The following SPATA31A6 variants were observed in gnomAD, a reference collection of about 807,000 sequenced individuals.
SPATA31A6 encodes SPATA31 subfamily A member 6, also known as spermatogenesis-associated protein 31A6.
In SPATA31A6, 9 loss-of-function variants were observed where a neutral mutation model predicts 11.9. That is an observed-to-expected ratio of 0.76 (90% CI 0.46 to 1.32). The LOEUF (loss-of-function observed/expected upper bound fraction) is 1.32. Among genes scored for constraint, SPATA31A6 ranks in the 40% most tolerant of loss-of-function variants. The probability of loss-of-function intolerance (pLI) is 0.00; values close to 1 mark genes in which losing one functional copy is unlikely to be tolerated. For missense variants in SPATA31A6, 855 were observed against 1,467.3 expected, an observed-to-expected ratio of 0.58 and a Z score of 6.82; for synonymous variants, 314 against 572.1, an observed-to-expected ratio of 0.55 and a Z score of 6.44.
chr9:42,189,824 T>C lies in SPATA31A6; in HGVS notation c.*90T>C. The C allele has an allele frequency of 8.8e-7, 1 of 1,140,002 alleles. No individual in the cohort carries two copies. Among genetic ancestry groups the C allele is most frequent in the Admixed American group, 2.9e-5 (1 of 34,752 alleles). The allele number at this position is 1,140,002 out of a possible 1,614,324, so 70.6% of individuals were successfully genotyped here. On this transcript the variant is annotated 3_prime_UTR_variant, in exon 4 of 4. Transcript: ENST00000332857. ...CACTCTATGTAGAGAAAAAATATTT[T>C]CTCTCATGTTAGTAAATGCAGAACA...
In SPATA31A6 at chr9:42,185,093, C is replaced by T. The variant is rs771114084; in HGVS notation, c.214C>T (p.Pro72Ser). ...RKCPVGRRRR[P>S]RGRMKNHSLR... ...GTGTCCAGTAGGGCGGAGGCGGAGG[C>T]CCAGAGGCAGGATGAAAAACCACAG... Residue 72 changes from proline to serine, a missense_variant, in exon 2 of 4, where the codon CCC (proline) becomes TCC (serine). Pro to Ser is a moderately conservative substitution (Grantham distance 74, BLOSUM62 -1). Coordinates refer to ENST00000332857, the MANE Select transcript of SPATA31A6 (RefSeq NM_001145196.1). The T allele has an allele frequency of 1.1e-5, 17 of 1,541,798 alleles. 3 individuals carry two copies. The East Asian group carries it at 4.1e-4, about 37-fold the overall frequency.
chr9:42,185,557 G>A (rs1417142218), intron 2 of SPATA31A6, 138 bp from the exon 3 acceptor site: 5 of 1,116,028 alleles, frequency 4.5e-6, no homozygotes, highest in African/African-American at 3.6e-5. Context: ...TAACGTCGGG[G>A]TCATGTGGCT....
In SPATA31A6 at chr9:42,183,807, C is replaced by A. The variant is rs1829390780; in HGVS notation, c.120C>A (p.Phe40Leu). 2 of 1,534,618 alleles carry A rather than the reference C, an allele frequency of 1.3e-6. No homozygotes were observed. Among genetic ancestry groups the A allele is most frequent in the Non-Finnish European group, 1.8e-6 (2 of 1,138,102 alleles). ...TGGTGTTTGCCCTGGGGTTCTTCTT[C>A]CTATTACTCCCCTACTTATCTTACT... is the stretch of plus-strand genomic sequence containing the variant. Reference protein sequence around the residue: ...LTLVFALGFFFLLLPYLSYFH... With the variant: ...LTLVFALGFFLLLLPYLSYFH... Residue 40 changes from phenylalanine to leucine, a missense_variant, in exon 1 of 4, where the codon TTC becomes TTA. Phe to Leu is a conservative substitution (Grantham distance 22, BLOSUM62 0). Transcript: ENST00000332857.
Position 42,185,566 on chromosome 9 carries a change from C to T in SPATA31A6, c.248-129C>T, listed in dbSNP as rs1305700325. The T allele has an allele frequency of 2.4e-5, 27 of 1,130,784 alleles. 5 individuals carry two copies. The South Asian group carries it at 2.6e-4, about 11-fold the overall frequency. The allele number at this position is 1,130,784 out of a possible 1,614,324, so 70.0% of individuals were successfully genotyped here. The stretch of plus-strand genomic sequence containing the variant: ...TGCTATTAACGTCGGGGTCATGTGG[C>T]TTTGGACACAGATGGGTGGGGTCCA... On this transcript the variant is annotated intron_variant, in intron 2 of 3. Coordinates refer to ENST00000332857, the MANE Select transcript of SPATA31A6 (RefSeq NM_001145196.1).
rs771332411 is a variant in SPATA31A6, at chr9:42,187,653, G to T, written c.1951G>T (p.Glu651Ter). The change falls in exon 4 of 4, where the codon GAG becomes TAG. Residue 651 changes from glutamate to a stop codon, truncating the protein, a stop_gained. Transcript: ENST00000332857. LOFTEE classifies it low-confidence loss of function (END_TRUNC). ...SSTSTGESSKEAQKVKFQLER... is the reference protein window; with the variant it reads ...SSTSTGESSK ...CACGTCCACAGGTGAAAGCAGCAAG[G>T]AGGCACAGAAGGTGAAGTTCCAGCT... 3 of 1,510,950 alleles carry T rather than the reference G, an allele frequency of 2.0e-6. 1 individual carries two copies. Among genetic ancestry groups the T allele is most frequent in the African/African-American group, 3.5e-5 (2 of 57,850 alleles). The allele number at this position is 1,510,950 out of a possible 1,614,324, so 93.6% of individuals were successfully genotyped here.
At position 42,186,768 on chromosome 9, in the gene SPATA31A6, C is replaced by A. The variant is rs192499604; in HGVS notation, c.1066C>A (p.Pro356Thr). ...NVGSFTNQMTPEKHLNSLGNL... is the reference protein window; with the variant it reads ...NVGSFTNQMTTEKHLNSLGNL... ...TGGATCATTTACAAATCAAATGACC[C>A]CAGAAAAGCACTTAAATTCTTTGGG... The change falls in exon 4 of 4, where the codon CCA becomes ACA. Residue 356 changes from proline to threonine, a missense_variant. Transcript: ENST00000332857. The A allele has an allele frequency of 3.9e-6, 6 of 1,529,714 alleles. 2 individuals are homozygous for A. The East Asian group carries it at 1.4e-4, about 36-fold the overall frequency. 94.8% of individuals were successfully genotyped at this position (1,529,714 alleles called of 1,614,324 possible). A position where few individuals can be genotyped will look rare whatever the true frequency, so the allele number is the denominator to read the frequency against.
rs746632976 is a variant in SPATA31A6, at chr9:42,183,738, C to T, written c.51C>T (p.Asn17=). ...PLKLLSASSL[N]APSSTPWVLD... ...AATTACTTAGTGCCTCATCGCTAAA[C>T]GCCCCCAGCTCCACACCATGGGTGT... Residue 17 remains asparagine, a synonymous_variant, in exon 1 of 4, where the codon AAC becomes AAT. Coordinates refer to ENST00000332857, the MANE Select transcript of SPATA31A6 (RefSeq NM_001145196.1). 631 of 1,534,826 alleles carry T rather than the reference C, an allele frequency of 4.1e-4. 104 individuals carry two copies. Among genetic ancestry groups the T allele is most frequent in the Non-Finnish European group, 4.6e-4 (520 of 1,137,512 alleles).
chr9:42,184,482 T>TGTGTGTGTGTGTGTG (rs1491231633), intron 1 of SPATA31A6, among the ~76,000 whole-genome samples: 1 of 105,068 alleles, frequency 9.5e-6, no homozygotes, highest in African/African-American at 4.1e-5. Context: ...TGTGTGTGTG[T>TGTGTGTGTGTGTGTG]TATTTTTATT....
Position 42,183,857 on chromosome 9 carries a change from C to A in SPATA31A6, c.170C>A (p.Pro57Gln). ...TTCCATTGTGATGACCCACCCTCAC[C>A]ATCGCCTGGGAAGAGAAAGGTAAGG... Reference protein sequence around the residue: ...SYFHCDDPPSPSPGKRKCPVG... With the variant: ...SYFHCDDPPSQSPGKRKCPVG... Residue 57 changes from proline to glutamine, a missense_variant, in exon 1 of 4, where the codon CCA (proline) becomes CAA (glutamine). Transcript: ENST00000332857. 4.6e-6 allele frequency: 7 copies of A among 1,532,144 alleles called. 1 individual carries two copies. The highest frequency in any genetic ancestry group is 6.2e-6 in the Non-Finnish European group (7 of 1,137,704). 94.9% of individuals were successfully genotyped at this position (1,532,144 alleles called of 1,614,324 possible). A position where few individuals can be genotyped will look rare whatever the true frequency, so the allele number is the denominator to read the frequency against.
Position 42,187,181 on chromosome 9 carries a change from C to T in SPATA31A6, c.1479C>T (p.Ala493=), listed in dbSNP as rs531840400. Residue 493 remains alanine (A), a synonymous_variant, in exon 4 of 4, where the codon GCC becomes GCT. Transcript: ENST00000332857. ...TCCTGCCCACACCTATGGCTCAGGCCGAGGCTCAGGCCCATCTTCAGTCTT... is the reference window on the plus strand; with the variant it reads ...TCCTGCCCACACCTATGGCTCAGGCTGAGGCTCAGGCCCATCTTCAGTCTT... The part of the protein sequence containing the change: ...PQFLPTPMAQ[A]EAQAHLQSSF... The T allele has an allele frequency of 9.9e-5, 153 of 1,542,986 alleles. 27 individuals carry two copies. The South Asian group carries it at 1.2e-3, about 12-fold the overall frequency.
In SPATA31A6 at chr9:42,186,628, C is replaced by T. The variant is rs534708649; in HGVS notation, c.926C>T (p.Thr309Ile). ...QDPLSRHPPE[T>I]CQMEAGSLFL... ...CCTCTTTCCCGCCACCCACCAGAGACCTGTCAGATGGAAGCTGGTAGCCTG... is the reference window on the plus strand; with the variant it reads ...CCTCTTTCCCGCCACCCACCAGAGATCTGTCAGATGGAAGCTGGTAGCCTG... Residue 309 changes from threonine (T) to isoleucine (I), a missense_variant, in exon 4 of 4, where the codon ACC becomes ATC. By Grantham distance (89) the Thr-to-Ile change is moderately conservative (BLOSUM62 -1). Transcript: ENST00000332857. The T allele has an allele frequency of 6.5e-7, 1 of 1,533,076 alleles. No individual in the cohort carries two copies. The highest frequency in any genetic ancestry group is 1.8e-5 in the Admixed American group (1 of 56,870). 95.0% of individuals were successfully genotyped at this position (1,533,076 alleles called of 1,614,324 possible).
Position 42,189,069 on chromosome 9 carries a change from G to A in SPATA31A6, c.3367G>A (p.Gly1123Arg), listed in dbSNP as rs1480917828. 6 of 1,552,346 alleles carry A rather than the reference G, an allele frequency of 3.9e-6. 2 individuals carry two copies. Among genetic ancestry groups the A allele is most frequent in the South Asian group, 1.1e-5 (1 of 87,650 alleles). The change falls in exon 4 of 4, where the codon GGA (glycine) becomes AGA (arginine). Residue 1123 changes from glycine (G) to arginine (R), a missense_variant. By Grantham distance (125) the Gly-to-Arg change is moderately radical. Transcript: ENST00000332857. ...AGAAAAACATGAAGAAAGGCTTGAAGGATTGAGGACTCCTCAACTTACCCC... is the reference window on the plus strand; with the variant it reads ...AGAAAAACATGAAGAAAGGCTTGAAAGATTGAGGACTCCTCAACTTACCCC... ...NLEKHEERLE[G>R]LRTPQLTPVR...
At chr9:42,183,910 G>A in intron 1 of SPATA31A6, 34 bp downstream of exon 1, 1 of 1,526,992 alleles carries the variant, frequency 6.5e-7, no homozygotes, top group Non-Finnish European at 8.8e-7. Flanking sequence ...CACAGAGCTT[G>A]ATTCTCTCCT....
rs765873888 is a variant in SPATA31A6, at chr9:42,186,700, C to A, written c.998C>A (p.Thr333Lys). 4 of 1,531,098 alleles carry A rather than the reference C, an allele frequency of 2.6e-6. No homozygotes were observed. Among genetic ancestry groups the A allele is most frequent in the Non-Finnish European group, 3.5e-6 (4 of 1,139,526 alleles). 94.8% of individuals were successfully genotyped at this position (1,531,098 alleles called of 1,614,324 possible). A position where few individuals can be genotyped will look rare whatever the true frequency, so the allele number is the denominator to read the frequency against. The change falls in exon 4 of 4, where the codon ACA becomes AAA. Residue 333 changes from threonine (T) to lysine (K), a missense_variant. Thr to Lys is a moderately conservative substitution (Grantham distance 78, BLOSUM62 -1). Transcript: ENST00000332857. ...CAGAATGTCGTGGGGATACAAGTCA[C>A]AGAAACAGCCAAGGTCAACATTTGG... ...DGQNVVGIQVTETAKVNIWEE... is the reference protein window; with the variant it reads ...DGQNVVGIQVKETAKVNIWEE...
chr9:42,189,026 G>T lies in SPATA31A6; in HGVS notation c.3324G>T (p.Lys1108Asn). 6.4e-7 allele frequency: 1 copy of T among 1,555,180 alleles called. No individual in the cohort carries two copies. The highest frequency in any genetic ancestry group is 1.1e-5 in the South Asian group (1 of 87,762). Residue 1108 changes from lysine (K) to asparagine (N), a missense_variant, in exon 4 of 4, where the codon AAG becomes AAT. Physicochemically the swap from Lys to Asn is moderately conservative, Grantham distance 94. Coordinates refer to ENST00000332857, the MANE Select transcript of SPATA31A6 (RefSeq NM_001145196.1). ...TTCCCCCTATTCACAAGAGTGAGAA[G>T]TCTAGGAAGCCCAACTTAGAAAAAC... ...PMFPPIHKSE[K>N]SRKPNLEKHE...
rs1328531514 is a variant in SPATA31A6 at position 42,185,639 on chromosome 9, C to T, written c.248-56C>T. The stretch of plus-strand genomic sequence containing the variant: ...CCCTAAAGAAACAGCCACTCAGCCT[C>T]CTGTGAGATCCCAGGCCCCTCCCTC... On this transcript the variant is annotated intron_variant, in intron 2 of 3. Transcript: ENST00000332857. 127 of 1,442,922 alleles carry T rather than the reference C, an allele frequency of 8.8e-5. 17 individuals are homozygous for T. The highest frequency in any genetic ancestry group is 1.1e-4 in the Non-Finnish European group (112 of 1,055,066). 89.4% of individuals were successfully genotyped at this position (1,442,922 alleles called of 1,614,324 possible). A position where few individuals can be genotyped will look rare whatever the true frequency, so the allele number is the denominator to read the frequency against.
chr9:42,183,816 C>A lies in SPATA31A6; in HGVS notation c.129C>A (p.Leu43=), dbSNP rs768714104. The change falls in exon 1 of 4, where the codon CTC becomes CTA. Residue 43 remains leucine, a synonymous_variant. Transcript: ENST00000332857. ...VFALGFFFLL[L]PYLSYFHCDD... is the part of the protein sequence containing the mutation. ...CCCTGGGGTTCTTCTTCCTATTACTCCCCTACTTATCTTACTTCCATTGTG... is the reference window on the plus strand; with the variant it reads ...CCCTGGGGTTCTTCTTCCTATTACTACCCTACTTATCTTACTTCCATTGTG... The A allele has an allele frequency of 6.5e-7, 1 of 1,534,480 alleles. No homozygotes were observed. Among genetic ancestry groups the A allele is most frequent in the Non-Finnish European group, 8.8e-7 (1 of 1,138,170 alleles).
At chr9:42,184,326 G>A (rs1829402001) in intron 1 of SPATA31A6, among the ~76,000 whole-genome samples, 1 of 129,506 alleles carries the variant, frequency 7.7e-6, no homozygotes. Flanking sequence ...CTTCTGGGAA[G>A]CAGAATCCTA....
Position 42,186,654 on chromosome 9 carries a change from T to A in SPATA31A6, c.952T>A (p.Phe318Ile), listed in dbSNP as rs768943108. 47 of 1,531,292 alleles carry A rather than the reference T, an allele frequency of 3.1e-5. 10 individuals are homozygous for A. The highest frequency in any genetic ancestry group is 5.3e-5 in the Admixed American group (3 of 56,800). The allele number at this position is 1,531,292 out of a possible 1,614,324, so 94.9% of individuals were successfully genotyped here. ...ETCQMEAGSL[F>I]LLSSDGQNVV... Reference sequence around the variant, plus strand: ...CTGTCAGATGGAAGCTGGTAGCCTGTTTTTGCTCAGCTCTGATGGCCAGAA... The same window carrying A: ...CTGTCAGATGGAAGCTGGTAGCCTGATTTTGCTCAGCTCTGATGGCCAGAA... Residue 318 changes from phenylalanine (F) to isoleucine (I), a missense_variant, in exon 4 of 4, where the codon TTT (phenylalanine) becomes ATT (isoleucine). Transcript: ENST00000332857.
Sources: gnomAD v4.1 joint callset for allele counts (sites outside exome capture counted in the v4.1 genomes callset) on GRCh38, gnomAD v4.1.1 for gene constraint, MANE v1.5 for transcripts, NCBI Gene and HGNC (gene_info 2026-07-23, HGNC 2026-07-21) for gene names.